ABCC4: variants seen among roughly 807,000 people sequenced by gnomAD.
ABCC4 encodes the protein ATP binding cassette subfamily C member 4 (PEL blood group), also known as ATP-binding cassette sub-family C member 4.
In ABCC4, 102 loss-of-function variants were observed where a neutral mutation model predicts 168.5. The observed-to-expected ratio is 0.61, with a 90% CI of 0.52 to 0.71. ABCC4 has a LOEUF of 0.71. Ranked by LOEUF, ABCC4 falls within the 30% of genes least tolerant of loss-of-function variation. The probability of loss-of-function intolerance (pLI) is 0.00; values close to 1 mark genes in which losing one functional copy is unlikely to be tolerated. For synonymous variants in ABCC4, 617 were observed against 590.7 expected (o/e 1.04, Z -0.65); for missense variants, 1,402 against 1,605.8 (o/e 0.87, Z 2.17).
chr13:95,032,339 A>G lies in ABCC4; in HGVS notation c.3870+2266T>C, dbSNP rs75595633. Among the ~76,000 whole-genome samples the G allele has an allele frequency of 7.9e-3, 1,201 of 152,226 alleles. 39 individuals carry two copies. The East Asian group carries it at 0.081, about 10-fold the overall frequency. ...GCACAGTGCACATCTGACACATATCATCATCATCATCATTGCCATCAGGGC... is the reference window on the plus strand; with the variant it reads ...GCACAGTGCACATCTGACACATATCGTCATCATCATCATTGCCATCAGGGC... On this transcript the variant is annotated intron_variant, in intron 30 of 30. Transcript: ENST00000645237.
chr13:95,285,242 C>T (rs545871249), intron 1 of ABCC4, among the ~76,000 whole-genome samples: 4 of 151,522 alleles, frequency 2.6e-5, no homozygotes, highest in Admixed American at 6.6e-5. Flanking sequence ...AGTGAGACTC[C>T]GTCTCTTAAA....
chr13:95,300,415 C>T (rs1846417036), intron 1 of ABCC4, among the ~76,000 whole-genome samples: 1 of 152,174 alleles, frequency 6.6e-6, no homozygotes, highest in South Asian at 2.1e-4. Context: ...CCAGTCGTGG[C>T]GGTGCATGTC....
chr13:95,261,605 A>G (rs773435377), intron 1 of ABCC4, among the ~76,000 whole-genome samples: 4 of 152,226 alleles, frequency 2.6e-5, no homozygotes, highest in Admixed American at 1.3e-4. Context: ...ATTAATGGTG[A>G]CATGGCTATT....
intron 1 of ABCC4, among the ~76,000 whole-genome samples, chr13:95,294,044 G>A (rs536997249): frequency 2.6e-4 from 40 of 152,114 alleles, no homozygotes; most frequent in African/African-American, 7.7e-4. Context: ...CCACTGTATC[G>A]TGCAAATAAT....
intron 1 of ABCC4, among the ~76,000 whole-genome samples, chr13:95,290,997 C>CAAAAAAAAAAAAAAAAA (rs762030761): frequency 2.7e-5 from 1 of 36,426 alleles, no homozygotes; most frequent in Non-Finnish European, 5.7e-5. Flanking sequence ...GACCCTGTCT[C>CAAAAAAAAAAAAAAAAA]AAAAAAAAAA....
chr13:95,164,240 G>T lies in ABCC4; in HGVS notation c.2175+138C>A, dbSNP rs1203555984. On this transcript the variant is annotated intron_variant, in intron 16 of 30. Coordinates refer to ENST00000645237, the MANE Select transcript of ABCC4 (RefSeq NM_005845.5). ...TTGTAACGGACATGGAACACCAGTAGGCAGCCCTCACTTTGTTCCCCAAAG... is the reference window on the plus strand; with the variant it reads ...TTGTAACGGACATGGAACACCAGTATGCAGCCCTCACTTTGTTCCCCAAAG... 1.3e-5 allele frequency: 13 copies of T among 1,021,024 alleles called. No individual in the cohort carries two copies. In the African/African-American group the frequency reaches 2.0e-4, roughly 15 times the overall value. 63.2% of individuals were successfully genotyped at this position (1,021,024 alleles called of 1,614,324 possible). A position where few individuals can be genotyped will look rare whatever the true frequency, so the allele number is the denominator to read the frequency against.
At chr13:95,090,544 G>A (rs891436216) in intron 20 of ABCC4, among the ~76,000 whole-genome samples, 28 of 152,096 alleles carry the variant, frequency 1.8e-4, no homozygotes, top group African/African-American at 6.3e-4. Context: ...ACCGCGGTTC[G>A]GCTCACAGGA....
chr13:95,246,919 A>T, intron 3 of ABCC4, 56 bp downstream of exon 3: 1 of 1,576,606 alleles, frequency 6.3e-7, no homozygotes, highest in East Asian at 2.2e-5. Flanking sequence ...GTCAATGGCG[A>T]GCACATTTAC....
At chr13:95,085,566 C>T (rs931017662) in intron 20 of ABCC4, among the ~76,000 whole-genome samples, 1 of 152,198 alleles carries the variant, frequency 6.6e-6, no homozygotes, top group Non-Finnish European at 1.5e-5. Context: ...CCAGAAAGTA[C>T]AGCATAAATA....
chr13:95,162,993 G>A (rs139268572), intron 18 of ABCC4, 129 bp downstream of exon 18: 8,209 of 679,268 alleles, frequency 0.012, 103 homozygotes, highest in Middle Eastern at 0.047. Flanking sequence ...AATTCACAGA[G>A]TAAATTCGAC....
intron 29 of ABCC4, among the ~76,000 whole-genome samples, chr13:95,037,081 G>A (rs1472552258): frequency 1.2e-4 from 2 of 16,044 alleles, no homozygotes; most frequent in African/African-American, 2.2e-4. Context: ...GAGACTCTGT[G>A]TCCAAAAAAA....
chr13:95,297,087 A>G (rs928022900), intron 1 of ABCC4, among the ~76,000 whole-genome samples: 5 of 151,948 alleles, frequency 3.3e-5, no homozygotes, highest in African/African-American at 4.8e-5. Context: ...CCTGGCCAAC[A>G]TGGTGAAACC....
chr13:95,055,693 G>GCCAA (rs2033026023), intron 26 of ABCC4: 1 of 152,080 alleles, frequency 6.6e-6, no homozygotes, highest in African/African-American at 2.4e-5. Flanking sequence ...GACCAGCCTG[G>GCCAA]CCAACATGGT....
At chr13:95,039,416 A>C (rs2032263344) in intron 29 of ABCC4, among the ~76,000 whole-genome samples, 1 of 152,190 alleles carries the variant, frequency 6.6e-6, no homozygotes, top group Admixed American at 6.5e-5. Context: ...TTTTGTACAG[A>C]AAAAAGGGCA....
chr13:95,285,705 A>T (rs375113200), intron 1 of ABCC4, among the ~76,000 whole-genome samples: 4 of 152,284 alleles, frequency 2.6e-5, no homozygotes, highest in East Asian at 1.9e-4. Flanking sequence ...GACAGCAAAT[A>T]TAAGGTGTGA....
chr13:95,206,868 G>C, intron 7 of ABCC4, 87 bp from the exon 8 acceptor site: 3 of 1,458,714 alleles, frequency 2.1e-6, no homozygotes, highest in Non-Finnish European at 2.8e-6. Flanking sequence ...TTTGGGAGCT[G>C]AGGTGGATGA....
intron 1 of ABCC4, among the ~76,000 whole-genome samples, chr13:95,266,820 C>G (rs771775975): frequency 4.0e-4 from 54 of 136,028 alleles, no homozygotes; most frequent in Non-Finnish European, 7.6e-4. Flanking sequence ...TGTCCCTACT[C>G]AAATCTCTTT....
chr13:95,138,960 G>C (rs114861233), intron 19 of ABCC4, among the ~76,000 whole-genome samples: 4,244 of 152,266 alleles, frequency 0.028, 172 homozygotes, highest in African/African-American at 0.091. Flanking sequence ...TGACAGGTCC[G>C]TGAGAGATCC....
intron 26 of ABCC4, 82 bp from the exon 27 acceptor site, chr13:95,053,266 A>G: frequency 1.9e-6 from 2 of 1,053,458 alleles, no homozygotes; most frequent in Middle Eastern, 2.1e-4. Flanking sequence ...AATAGAATTA[A>G]GATACCAAAA....
Sources: allele counts gnomAD v4.1 joint callset (sites outside exome capture counted in the v4.1 genomes callset), GRCh38; gene constraint gnomAD v4.1.1; transcripts MANE v1.5; gene names NCBI Gene and HGNC (gene_info 2026-07-23, HGNC 2026-07-21).